BCKDHB: variants seen among roughly 807,000 people sequenced by gnomAD.
BCKDHB encodes branched chain keto acid dehydrogenase E1 subunit beta, also known as 2-oxoisovalerate dehydrogenase subunit beta, mitochondrial.
A neutral mutation model predicts 48.5 loss-of-function variants in BCKDHB; 41 were observed. The ratio of observed to expected loss-of-function variants is 0.85; its 90% CI spans 0.66 to 1.10. BCKDHB has a LOEUF of 1.10. Among genes scored for constraint, BCKDHB ranks in the 50% least tolerant of loss-of-function variants. BCKDHB has a pLI of 0.00. For synonymous variants in BCKDHB, 201 were observed against 174.8 expected (o/e 1.15, Z -1.18); for missense variants, 496 against 494.2 (o/e 1.00, Z -0.03).
At chr6:80,133,719 T>C (rs1002212854) in intron 3 of BCKDHB, among the ~76,000 whole-genome samples, 2 of 152,058 alleles carry the variant, frequency 1.3e-5, no homozygotes, top group Non-Finnish European at 1.5e-5. Flanking sequence ...CACGGCTCAC[T>C]GTAACCTCTC....
the BCKDHB span, among the ~76,000 whole-genome samples, chr6:80,407,980 G>A: frequency 8.5e-5 from 13 of 152,196 alleles, no homozygotes; most frequent in South Asian, 6.2e-4. Flanking sequence ...GTATGATATT[G>A]GCTGTGGGTT....
the BCKDHB span, among the ~76,000 whole-genome samples, chr6:80,457,856 C>T: frequency 5.3e-5 from 8 of 152,130 alleles, no homozygotes; most frequent in Non-Finnish European, 1.0e-4. Flanking sequence ...TTTCCCCTTT[C>T]GTCTGCGTCT....
intron 8 of BCKDHB, among the ~76,000 whole-genome samples, chr6:80,245,981 T>A (rs1209975567): frequency 6.6e-6 from 1 of 152,020 alleles, no homozygotes; most frequent in African/African-American, 2.4e-5. Context: ...GAGGCTGCTG[T>A]GGGAGGATCA....
intron 6 of BCKDHB, among the ~76,000 whole-genome samples, chr6:80,179,213 G>A (rs369719895): frequency 5.9e-5 from 9 of 151,916 alleles, no homozygotes; most frequent in African/African-American, 1.9e-4. Context: ...CAATTTTTTT[G>A]AGTTTTTGAG....
At chr6:80,247,689 C>G (rs1258703077) in intron 8 of BCKDHB, among the ~76,000 whole-genome samples, 1 of 152,194 alleles carries the variant, frequency 6.6e-6, no homozygotes, top group Non-Finnish European at 1.5e-5. Context: ...TTGTCAGCAG[C>G]CAACTAAATT....
At chr6:80,116,015 A>G (rs1270605532) in intron 1 of BCKDHB, among the ~76,000 whole-genome samples, 1 of 152,232 alleles carries the variant, frequency 6.6e-6, no homozygotes, top group Non-Finnish European at 1.5e-5. Context: ...ACTTTCTGCA[A>G]GTAGTCCCTA....
the BCKDHB span, among the ~76,000 whole-genome samples, chr6:80,459,156 T>G: frequency 0.89 from 135,266 of 152,146 alleles, 60,396 homozygotes; most frequent in East Asian, 0.95. Context: ...TTGAAATTAG[T>G]ATTTCAAAGA....
the BCKDHB span, among the ~76,000 whole-genome samples, chr6:80,463,462 G>A: frequency 2.0e-5 from 3 of 152,300 alleles, no homozygotes; most frequent in African/African-American, 7.2e-5. Context: ...GGTAGATGTG[G>A]AGGAAACCAA....
At chr6:80,167,888 T>C in intron 4 of BCKDHB, 77 bp downstream of exon 4, 1 of 1,391,460 alleles carries the variant, frequency 7.2e-7, no homozygotes, top group South Asian at 1.2e-5. Context: ...CACCCACCCT[T>C]ACCTGCATTC....
chr6:80,265,520 G>A (rs1777476376), intron 8 of BCKDHB, among the ~76,000 whole-genome samples: 1 of 152,042 alleles, frequency 6.6e-6, no homozygotes, highest in African/African-American at 2.4e-5. Flanking sequence ...GAGACAGAAA[G>A]TAGAATGACA....
chr6:80,127,070 C>A (rs1476585844), intron 1 of BCKDHB, among the ~76,000 whole-genome samples: 3 of 152,100 alleles, frequency 2.0e-5, no homozygotes, highest in African/African-American at 7.2e-5. Context: ...ATGTTCCAAA[C>A]TCCAGCAGTT....
intron 6 of BCKDHB, among the ~76,000 whole-genome samples, chr6:80,186,486 GC>G (rs912336413): frequency 6.6e-5 from 10 of 152,156 alleles, no homozygotes; most frequent in Non-Finnish European, 1.5e-4. Flanking sequence ...CAGACTACAA[GC>G]CTTCCTGCTG....
chr6:80,388,510 A>C, the BCKDHB span, among the ~76,000 whole-genome samples: 55,617 of 152,012 alleles, frequency 0.37, 11,950 homozygotes, highest in East Asian at 0.66. Context: ...CCTATCATGA[A>C]CTGGGTGCTT....
chr6:80,319,698 G>T (rs1413114977), intron 9 of BCKDHB, among the ~76,000 whole-genome samples: 1 of 152,152 alleles, frequency 6.6e-6, no homozygotes. Flanking sequence ...AATTTATAAT[G>T]CTTAATTTAT....
intron 9 of BCKDHB, among the ~76,000 whole-genome samples, chr6:80,316,485 C>G (rs1768451349): frequency 6.6e-6 from 1 of 152,074 alleles, no homozygotes; most frequent in South Asian, 2.1e-4. Flanking sequence ...TCCACAGCCA[C>G]TAAGTTCATA....
chr6:80,235,742 A>G (rs768994631), intron 8 of BCKDHB, among the ~76,000 whole-genome samples: 9 of 152,170 alleles, frequency 5.9e-5, no homozygotes, highest in Non-Finnish European at 5.9e-5. Context: ...AGTGGATAGG[A>G]TAATTTAAAA....
intron 9 of BCKDHB, among the ~76,000 whole-genome samples, chr6:80,341,325 T>C (rs1268397817): frequency 6.6e-6 from 1 of 152,224 alleles, no homozygotes; most frequent in Non-Finnish European, 1.5e-5. Flanking sequence ...ACTTTACTGT[T>C]TTCCTTTATT....
chr6:80,278,145 A>T (rs980614345), intron 9 of BCKDHB, among the ~76,000 whole-genome samples: 4 of 152,198 alleles, frequency 2.6e-5, no homozygotes, highest in African/African-American at 9.7e-5. Flanking sequence ...TAGTAATTTG[A>T]TGAGTAGTTT....
the BCKDHB span, among the ~76,000 whole-genome samples, chr6:80,357,208 A>G: frequency 1.3e-5 from 2 of 152,178 alleles, no homozygotes; most frequent in Non-Finnish European, 2.9e-5. Context: ...CCCAGGAACT[A>G]GCAACTGTGG....
Sources: gnomAD v4.1 joint callset for allele counts (sites outside exome capture counted in the v4.1 genomes callset) on GRCh38, gnomAD v4.1.1 for gene constraint, MANE v1.5 for transcripts, NCBI Gene and HGNC (gene_info 2026-07-23, HGNC 2026-07-21) for gene names.